EZH1: variants seen among roughly 807,000 people sequenced by gnomAD.
The protein encoded by EZH1 is enhancer of zeste 1 polycomb repressive complex 2 subunit.
EZH1 carries 33 observed loss-of-function variants against 100.5 expected under a neutral mutation model. The observed-to-expected ratio is 0.33, with a 90% CI of 0.25 to 0.44. The LOEUF (loss-of-function observed/expected upper bound fraction) is 0.44. Among genes scored for constraint, EZH1 ranks in the 20% least tolerant of loss-of-function variants. The pLI is 1.00. For synonymous variants in EZH1, 272 were observed against 313.8 expected, an observed-to-expected ratio of 0.87 and a Z score of 1.41; for missense variants, 475 against 928.4, an observed-to-expected ratio of 0.51 and a Z score of 6.35.
intron 1 of EZH1, among the ~76,000 whole-genome samples, chr17:42,744,283 T>C (rs2143915223): frequency 6.6e-6 from 1 of 152,292 alleles, no homozygotes; most frequent in Non-Finnish European, 1.5e-5. Context: ...ATACAACACC[T>C]TGTCTGTGCT....
At chr17:42,713,037 C>CAAAAAAAAAAAA (rs10664421) in intron 11 of EZH1, among the ~76,000 whole-genome samples, 172 bp downstream of exon 11, 3 of 83,994 alleles carry the variant, frequency 3.6e-5, no homozygotes, top group Non-Finnish European at 4.4e-5. Context: ...GAGACTGTTT[C>CAAAAAAAAAAAA]AAAAAAAAAA....
At chr17:42,717,111 T>C (rs888596519) in intron 10 of EZH1, among the ~76,000 whole-genome samples, 5 of 152,200 alleles carry the variant, frequency 3.3e-5, no homozygotes, top group African/African-American at 1.2e-4. Flanking sequence ...TATATAACTT[T>C]TGTAATCCAG....
At chr17:42,705,905 CA>C in intron 16 of EZH1, 101 bp downstream of exon 16, 1 of 1,203,564 alleles carries the variant, frequency 8.3e-7, no homozygotes, top group Non-Finnish European at 1.1e-6. Flanking sequence ...AGCACTTTCA[CA>C]TATAAAGCCT....
At chr17:42,737,398 C>T (rs1482852004) in intron 1 of EZH1, among the ~76,000 whole-genome samples, 1 of 152,144 alleles carries the variant, frequency 6.6e-6, no homozygotes, top group African/African-American at 2.4e-5. Context: ...CCCAGTTGTT[C>T]GAGACCAGCC....
At chr17:42,743,789 A>C (rs1204968556) in intron 1 of EZH1, among the ~76,000 whole-genome samples, 1 of 151,096 alleles carries the variant, frequency 6.6e-6, no homozygotes, top group Non-Finnish European at 1.5e-5. Context: ...CCTAACACAC[A>C]CTCTCTCCTA....
chr17:42,737,211 C>A (rs1393111711), intron 1 of EZH1, among the ~76,000 whole-genome samples: 1 of 152,000 alleles, frequency 6.6e-6, no homozygotes, highest in Admixed American at 6.6e-5. Flanking sequence ...GTCTTGAACT[C>A]CTGACCTCAG....
intron 1 of EZH1, among the ~76,000 whole-genome samples, chr17:42,743,916 A>T (rs1192901263): frequency 6.6e-6 from 1 of 152,150 alleles, no homozygotes; most frequent in Non-Finnish European, 1.5e-5. Flanking sequence ...ACCTCCTTCA[A>T]TATCAGTTTC....
intron 19 of EZH1, 45 bp downstream of exon 19, chr17:42,703,695 G>C: frequency 7.6e-7 from 1 of 1,323,574 alleles, no homozygotes; most frequent in Non-Finnish European, 1.1e-6. Context: ...TCACAGTAAA[G>C]AGGCATCCAT....
chr17:42,722,360 C>T (rs1466255133), intron 6 of EZH1, among the ~76,000 whole-genome samples: 1 of 150,866 alleles, frequency 6.6e-6, no homozygotes, highest in East Asian at 1.9e-4. Flanking sequence ...CATGGTGGCT[C>T]ACGCCTATAA....
chr17:42,723,827 A>G (rs911085880), intron 5 of EZH1, among the ~76,000 whole-genome samples: 1 of 152,216 alleles, frequency 6.6e-6, no homozygotes, highest in Non-Finnish European at 1.5e-5. Context: ...ATGATTATCA[A>G]AACCACAAAT....
intron 4 of EZH1, among the ~76,000 whole-genome samples, chr17:42,726,393 TTATC>T (rs1159620263): frequency 6.6e-6 from 1 of 151,626 alleles, no homozygotes; most frequent in African/African-American, 2.4e-5. Flanking sequence ...TTTAAAAATA[TTATC>T]TATTTCCCAG....
intron 1 of EZH1, among the ~76,000 whole-genome samples, chr17:42,743,095 T>C: frequency 6.6e-6 from 1 of 152,000 alleles, no homozygotes. Context: ...TCTCGGACTC[T>C]TGACCTCAAG....
In EZH1 at chr17:42,727,772, GC is replaced by G. The variant is rs770971801; in HGVS notation, c.118-10del. On this transcript the variant is annotated splice_polypyrimidine_tract_variant and intron_variant, in intron 3 of 20. Transcript: ENST00000428826. Reference sequence around the variant, plus strand: ...TTTGCCACATACAAAGCCTAGCAAAGCCATGGAAAAGATTAAGATATATTGT... The same window carrying G: ...TTTGCCACATACAAAGCCTAGCAAAGCATGGAAAAGATTAAGATATATTGT... 1.5e-5 allele frequency: 23 copies of G among 1,582,458 alleles called. No homozygotes were observed. The South Asian group carries it at 2.4e-4, about 16-fold the overall frequency.
chr17:42,703,718 C>T, intron 19 of EZH1, 22 bp downstream of exon 19: 2 of 1,570,310 alleles, frequency 1.3e-6, no homozygotes, highest in South Asian at 1.1e-5. Flanking sequence ...CCCACCCCAC[C>T]TCCCAGGTTA....
At chr17:42,735,144 GCT>G (rs972856698) in intron 1 of EZH1, among the ~76,000 whole-genome samples, 2 of 152,138 alleles carry the variant, frequency 1.3e-5, no homozygotes, top group African/African-American at 4.8e-5. Context: ...GTCGTGTCTG[GCT>G]GGCTGTGGTG....
intron 1 of EZH1, among the ~76,000 whole-genome samples, chr17:42,739,564 C>A (rs745918939): frequency 1.2e-4 from 18 of 151,902 alleles, no homozygotes; most frequent in Non-Finnish European, 2.2e-4. Flanking sequence ...CCCGTCTCTA[C>A]TAAAAATACA....
rs953825888 is a variant in EZH1 at position 42,702,724 on chromosome 17, A to C, written c.2184-132T>G. On this transcript the variant is annotated intron_variant, in intron 20 of 20. Coordinates refer to ENST00000428826, the MANE Select transcript of EZH1 (RefSeq NM_001991.5). ...TTACAATGGTCCCACTTCTGAGGCA[A>C]GGCACCAGATATCAGAACAAGGGAC... The C allele has an allele frequency of 1.2e-5, 15 of 1,257,520 alleles. No homozygotes were observed. The African/African-American group carries it at 1.9e-4, about 16-fold the overall frequency. 77.9% of individuals were successfully genotyped at this position (1,257,520 alleles called of 1,614,324 possible).
At chr17:42,738,422 A>T (rs1216146413) in intron 1 of EZH1, among the ~76,000 whole-genome samples, 1 of 151,740 alleles carries the variant, frequency 6.6e-6, no homozygotes. Context: ...TTTATTTTTT[A>T]ATTTTATTTA....
chr17:42,726,403 C>G (rs760697446), intron 4 of EZH1, among the ~76,000 whole-genome samples: 1 of 151,458 alleles, frequency 6.6e-6, no homozygotes, highest in Non-Finnish European at 1.5e-5. Context: ...TTATCTATTT[C>G]CCAGGTGTTG....
Sources: gnomAD v4.1 joint callset for allele counts (sites outside exome capture counted in the v4.1 genomes callset) on GRCh38, gnomAD v4.1.1 for gene constraint, MANE v1.5 for transcripts, NCBI Gene and HGNC (gene_info 2026-07-23, HGNC 2026-07-21) for gene names.